DYRK1A: variants seen among roughly 807,000 people sequenced by gnomAD.
DYRK1A encodes the protein dual specificity tyrosine phosphorylation regulated kinase 1A, also known as dual specificity tyrosine-phosphorylation-regulated kinase 1A.
DYRK1A carries 9 observed loss-of-function variants against 79.7 expected under a neutral mutation model. The observed-to-expected ratio is 0.11, with a 90% CI of 0.07 to 0.20. DYRK1A has a LOEUF of 0.20. Among genes scored for constraint, DYRK1A ranks in the 10% least tolerant of loss-of-function variants. The probability of loss-of-function intolerance (pLI) is 1.00; values close to 1 mark genes in which losing one functional copy is unlikely to be tolerated. For synonymous variants in DYRK1A, 349 were observed against 329.7 expected, an observed-to-expected ratio of 1.06 and a Z score of -0.63; for missense variants, 622 against 956.0, an observed-to-expected ratio of 0.65 and a Z score of 4.61.
intron 2 of DYRK1A, among the ~76,000 whole-genome samples, chr21:37,426,884 G>C (rs7281430): frequency 1 from 141,553 of 141,554 alleles, 70,776 homozygotes; most frequent in Middle Eastern, 1. Context: ...AGCGCCACTG[G>C]ACTCCAGCTT....
chr21:37,407,391 A>G (rs1228646253), intron 1 of DYRK1A, among the ~76,000 whole-genome samples: 2 of 152,198 alleles, frequency 1.3e-5, no homozygotes, highest in African/African-American at 4.8e-5. Context: ...TCTGTGCTCA[A>G]TAGATTTAAA....
At chr21:37,457,037 C>CTTACTTACTTAT (rs1035437095) in intron 2 of DYRK1A, among the ~76,000 whole-genome samples, 1,915 of 59,066 alleles carry the variant, frequency 0.032, 21 homozygotes, top group South Asian at 0.049. Flanking sequence ...TACTTACTTA[C>CTTACTTACTTAT]TTATTTATTT....
chr21:37,405,805 G>A (rs2050136145), intron 1 of DYRK1A, among the ~76,000 whole-genome samples: 1 of 152,280 alleles, frequency 6.6e-6, no homozygotes, highest in Admixed American at 6.5e-5. Flanking sequence ...ATACTGTGAA[G>A]TCCACGAGGT....
intron 1 of DYRK1A, among the ~76,000 whole-genome samples, chr21:37,368,365 C>T (rs2049360331): frequency 6.6e-6 from 1 of 152,192 alleles, no homozygotes; most frequent in Admixed American, 6.5e-5. Flanking sequence ...ACTCTCGCTT[C>T]GGAGCCACCA....
chr21:37,410,592 A>G (rs2050224217), intron 1 of DYRK1A: 1 of 152,242 alleles, frequency 6.6e-6, no homozygotes, highest in African/African-American at 2.4e-5. Context: ...TGGCACGATC[A>G]TAGGTGGTCA....
At chr21:37,453,707 T>C (rs937350289) in intron 2 of DYRK1A, among the ~76,000 whole-genome samples, 1 of 152,224 alleles carries the variant, frequency 6.6e-6, no homozygotes, top group African/African-American at 2.4e-5. Context: ...TGAAATGTAT[T>C]ATAACTCTTC....
At chr21:37,441,830 T>C (rs989824544) in intron 2 of DYRK1A, among the ~76,000 whole-genome samples, 5 of 152,118 alleles carry the variant, frequency 3.3e-5, no homozygotes, top group Admixed American at 3.3e-4. Flanking sequence ...CATTCCTTTG[T>C]ATAGGTCCAT....
intron 6 of DYRK1A, among the ~76,000 whole-genome samples, chr21:37,489,182 A>G (rs1239884448): frequency 1.3e-5 from 2 of 152,180 alleles, no homozygotes; most frequent in Non-Finnish European, 2.9e-5. Context: ...TTTATTCCAG[A>G]TAGATCTGTA....
intron 2 of DYRK1A, among the ~76,000 whole-genome samples, chr21:37,445,035 A>G (rs916497757): frequency 1.3e-5 from 2 of 152,212 alleles, no homozygotes; most frequent in Non-Finnish European, 2.9e-5. Flanking sequence ...AAGGTGCCCC[A>G]GGGACACAGC....
chr21:37,421,428 A>G (rs1303369547), intron 2 of DYRK1A, among the ~76,000 whole-genome samples: 1 of 152,122 alleles, frequency 6.6e-6, no homozygotes, highest in Non-Finnish European at 1.5e-5. Flanking sequence ...GAATATATTT[A>G]TAAATTAAAT....
chr21:37,471,870 G>T (rs529028631), intron 2 of DYRK1A, among the ~76,000 whole-genome samples: 2 of 152,200 alleles, frequency 1.3e-5, no homozygotes, highest in East Asian at 3.9e-4. Context: ...AAGGTTTTAG[G>T]CTTTAGTCTG....
chr21:37,373,819 G>A (rs2049482092), intron 1 of DYRK1A, among the ~76,000 whole-genome samples: 1 of 152,162 alleles, frequency 6.6e-6, no homozygotes. Flanking sequence ...TGAAAATTTG[G>A]GTCTACTGAA....
intron 1 of DYRK1A, among the ~76,000 whole-genome samples, chr21:37,373,503 C>T (rs150034988): frequency 0.011 from 1,648 of 152,258 alleles, 28 homozygotes; most frequent in African/African-American, 0.036. Context: ...ATTTTTCCTT[C>T]ATAAAACAAC....
rs1021078873 is a variant in DYRK1A at position 37,488,367 on chromosome 21, A to G, written c.637+1753A>G. On this transcript the variant is annotated intron_variant, in intron 6 of 11. Transcript: ENST00000647188. ...TAAACTTAAGGTATCCGAAAGTCAT[A>G]TTGATTTTTATGATGTAAATTAGTT... is the stretch of plus-strand genomic sequence containing the variant. 4.5e-6 allele frequency: 4 copies of G among 894,726 alleles called. No individual in the cohort carries two copies. The African/African-American group carries it at 7.2e-5, about 16-fold the overall frequency. 55.4% of individuals were successfully genotyped at this position (894,726 alleles called of 1,614,324 possible). A position where few individuals can be genotyped will look rare whatever the true frequency, so the allele number is the denominator to read the frequency against.
At chr21:37,430,648 T>A (rs1477180867) in intron 2 of DYRK1A, among the ~76,000 whole-genome samples, 1 of 152,172 alleles carries the variant, frequency 6.6e-6, no homozygotes, top group Non-Finnish European at 1.5e-5. Flanking sequence ...TTAGCGAGTG[T>A]GAGCCCTGGC....
chr21:37,397,619 G>A (rs958070054), intron 1 of DYRK1A, among the ~76,000 whole-genome samples: 1 of 152,126 alleles, frequency 6.6e-6, no homozygotes, highest in Non-Finnish European at 1.5e-5. Context: ...AATATCACCA[G>A]GCCTCTTGGG....
In DYRK1A at chr21:37,517,935, G is replaced by C. The variant is rs750366592; in HGVS notation, c.*5404G>C. 1 of 152,176 alleles carries C rather than the reference G, an allele frequency of 6.6e-6. No individual in the cohort carries two copies. The highest frequency in any genetic ancestry group is 6.5e-5 in the Admixed American group (1 of 15,296). The allele number at this position is 152,176 out of a possible 1,614,324, so 9.4% of individuals were successfully genotyped here. On this transcript the variant is annotated 3_prime_UTR_variant, in exon 12 of 12. Coordinates refer to ENST00000647188, the MANE Select transcript of DYRK1A (RefSeq NM_001347721.2). ...TAGAGACGGTGTCTGGCTTTGTCAC[G>C]CAAGCTGGAGTTTGGTGGTGTGATT... is the stretch of plus-strand genomic sequence containing the variant.
chr21:37,422,710 T>C lies in DYRK1A; in HGVS notation c.10+2326T>C, dbSNP rs73408646. Among the ~76,000 whole-genome samples, 1,129 of 152,254 alleles carry C rather than the reference T, an allele frequency of 7.4e-3. 13 individuals carry two copies. Among genetic ancestry groups the C allele is most frequent in the African/African-American group, 0.026 (1,069 of 41,552 alleles). ...AATATGTTAATTGGCTTGATTGTGGTGATCATTTCATTTTGTATATGTGTA... is the reference window on the plus strand; with the variant it reads ...AATATGTTAATTGGCTTGATTGTGGCGATCATTTCATTTTGTATATGTGTA... On this transcript the variant is annotated intron_variant, in intron 2 of 11. Coordinates refer to ENST00000647188, the MANE Select transcript of DYRK1A (RefSeq NM_001347721.2).
In DYRK1A at chr21:37,479,621, T is replaced by TTTTTTTTTG. The variant is rs2052557114; in HGVS notation, c.301-1009_301-1008insGTTTTTTTT. The stretch of plus-strand genomic sequence containing the variant: ...TTTTGTTTTTGTTTTTGTTTTTTGT[T>TTTTTTTTTG]TTTTTTTTTTTTTTTGGAGACAGAG... On this transcript the variant is annotated intron_variant, in intron 4 of 11. Coordinates refer to ENST00000647188, the MANE Select transcript of DYRK1A (RefSeq NM_001347721.2). 1.9e-5 allele frequency among the ~76,000 whole-genome samples: 2 copies of TTTTTTTTTG among 104,194 alleles called. 1 individual carries two copies. The highest frequency in any genetic ancestry group is 5.9e-4 in the East Asian group (2 of 3,410). 68.4% of individuals were successfully genotyped at this position (104,194 alleles called of 152,430 possible).
Sources: allele counts gnomAD v4.1 joint callset (sites outside exome capture counted in the v4.1 genomes callset), GRCh38; gene constraint gnomAD v4.1.1; transcripts MANE v1.5; gene names NCBI Gene and HGNC (gene_info 2026-07-23, HGNC 2026-07-21).